Variants in XKR4 observed in about 807,000 individuals in gnomAD.
XKR4 encodes XK-related protein 4.
A neutral mutation model predicts 53.9 loss-of-function variants in XKR4; 12 were observed. The observed-to-expected ratio is 0.22, with a 90% CI of 0.14 to 0.36. The LOEUF (loss-of-function observed/expected upper bound fraction) is 0.36. Ranked by LOEUF, XKR4 falls within the 10% of genes least tolerant of loss-of-function variation. The pLI, the probability that XKR4 is intolerant of heterozygous loss-of-function variation, is 1.00. For missense variants in XKR4, 799 were observed against 859.5 expected, an observed-to-expected ratio of 0.93 and a Z score of 0.88; for synonymous variants, 354 against 362.4, an observed-to-expected ratio of 0.98 and a Z score of 0.26.
intron 2 of XKR4, among the ~76,000 whole-genome samples, chr8:55,473,043 C>T (rs1377517489): frequency 6.6e-6 from 1 of 152,094 alleles, no homozygotes; most frequent in African/African-American, 2.4e-5. Context: ...ACAATGAGCT[C>T]ACCTTAGTCC....
At chr8:55,336,211 T>C (rs1196479898) in intron 1 of XKR4, among the ~76,000 whole-genome samples, 3 of 152,070 alleles carry the variant, frequency 2.0e-5, no homozygotes, top group Non-Finnish European at 4.4e-5. Flanking sequence ...GGGTCTTTTC[T>C]GGGCTATTCT....
chr8:55,380,061 C>G (rs554899298), intron 2 of XKR4, among the ~76,000 whole-genome samples: 1 of 152,328 alleles, frequency 6.6e-6, no homozygotes, highest in Non-Finnish European at 1.5e-5. Context: ...CCTGTTCTAA[C>G]ATAATTAAAC....
chr8:55,277,685 C>T (rs1309943131), intron 1 of XKR4, among the ~76,000 whole-genome samples: 1 of 152,142 alleles, frequency 6.6e-6, no homozygotes, highest in Non-Finnish European at 1.5e-5. Context: ...ATTTTGCATT[C>T]TCGATTTTTG....
intron 2 of XKR4, among the ~76,000 whole-genome samples, chr8:55,500,823 G>C (rs1806425179): frequency 6.6e-6 from 1 of 152,194 alleles, no homozygotes; most frequent in Admixed American, 6.5e-5. Flanking sequence ...CTGAAGCTCT[G>C]CATGCCACGG....
At chr8:55,249,703 A>G (rs1018889043) in intron 1 of XKR4, among the ~76,000 whole-genome samples, 1 of 152,240 alleles carries the variant, frequency 6.6e-6, no homozygotes. Flanking sequence ...GTAAAGGTCA[A>G]TTAGAAAGAT....
intron 1 of XKR4, among the ~76,000 whole-genome samples, chr8:55,325,414 G>C (rs1294058157): frequency 6.6e-6 from 1 of 152,072 alleles, no homozygotes; most frequent in Non-Finnish European, 1.5e-5. Context: ...TTTCCAAGCA[G>C]GGGGGCAGAA....
At chr8:55,302,546 G>A (rs1288732449) in intron 1 of XKR4, among the ~76,000 whole-genome samples, 2 of 124,510 alleles carry the variant, frequency 1.6e-5, no homozygotes, top group Admixed American at 8.3e-5. Context: ...GTCATTGGTA[G>A]CTTGATGGGG....
chr8:55,479,508 A>C (rs1039323493), intron 2 of XKR4, among the ~76,000 whole-genome samples: 2 of 152,172 alleles, frequency 1.3e-5, no homozygotes, highest in Non-Finnish European at 2.9e-5. Context: ...GCAAGAGCAA[A>C]CACATTCAAA....
chr8:55,341,716 G>A, intron 1 of XKR4, among the ~76,000 whole-genome samples: 1 of 152,212 alleles, frequency 6.6e-6, no homozygotes, highest in East Asian at 1.9e-4. Flanking sequence ...CCCCATAGGT[G>A]GACAACAGGC....
Position 55,437,963 on chromosome 8 carries a change from AAAAGAAGAAG to A in XKR4, c.1006+80089_1006+80098del, listed in dbSNP as rs779652931. ...CCTCCAAACAAACAAACAAAAAAAA[AAAAGAAGAAG>A]AAGAAGAAGAAGAAAGAAAGTAGGA... On this transcript the variant is annotated intron_variant, in intron 2 of 2. Coordinates refer to ENST00000327381, the MANE Select transcript of XKR4 (RefSeq NM_052898.2). 1.0e-4 allele frequency among the ~76,000 whole-genome samples: 14 copies of A among 139,130 alleles called. No homozygotes were observed. The South Asian group carries it at 3.1e-3, about 31-fold the overall frequency. 91.3% of individuals were successfully genotyped at this position (139,130 alleles called of 152,430 possible).
intron 2 of XKR4, among the ~76,000 whole-genome samples, chr8:55,519,505 G>C (rs1406221779): frequency 6.6e-6 from 1 of 151,694 alleles, no homozygotes; most frequent in South Asian, 2.1e-4. Flanking sequence ...TTATTTTCAA[G>C]TACTATACTC....
At chr8:55,456,547 C>T (rs963728131) in intron 2 of XKR4, among the ~76,000 whole-genome samples, 8 of 152,080 alleles carry the variant, frequency 5.3e-5, no homozygotes, top group African/African-American at 9.7e-5. Context: ...TCTATGATTC[C>T]ATAAATAATC....
chr8:55,227,530 C>G (rs1817971367), intron 1 of XKR4, among the ~76,000 whole-genome samples: 1 of 152,210 alleles, frequency 6.6e-6, no homozygotes, highest in South Asian at 2.1e-4. Context: ...GAGTCCAAGC[C>G]CAGGCGCTCT....
At chr8:55,311,578 C>A (rs1225471678) in intron 1 of XKR4, among the ~76,000 whole-genome samples, 1 of 152,004 alleles carries the variant, frequency 6.6e-6, no homozygotes, top group Non-Finnish European at 1.5e-5. Context: ...TAGGGTCTAA[C>A]ACAGTTTGTT....
intron 1 of XKR4, among the ~76,000 whole-genome samples, chr8:55,174,205 CTT>C (rs200497399): frequency 6.6e-6 from 1 of 151,096 alleles, no homozygotes; most frequent in Non-Finnish European, 1.5e-5. Context: ...TCATGGCAGA[CTT>C]TTTTTTTAAA....
chr8:55,395,810 A>G (rs1804508445), intron 2 of XKR4, among the ~76,000 whole-genome samples: 1 of 152,236 alleles, frequency 6.6e-6, no homozygotes, highest in Non-Finnish European at 1.5e-5. Flanking sequence ...AAACTGCCTT[A>G]AATCTTAGTC....
intron 2 of XKR4, among the ~76,000 whole-genome samples, chr8:55,446,327 A>G (rs1805346219): frequency 6.6e-6 from 1 of 152,162 alleles, no homozygotes; most frequent in Non-Finnish European, 1.5e-5. Flanking sequence ...GAGACGAATC[A>G]AAAACTTTAA....
At chr8:55,465,827 G>T (rs557459298) in intron 2 of XKR4, among the ~76,000 whole-genome samples, 2 of 152,108 alleles carry the variant, frequency 1.3e-5, no homozygotes, top group African/African-American at 4.8e-5. Flanking sequence ...GTGGGCAAAG[G>T]ATATGAACAG....
intron 1 of XKR4, among the ~76,000 whole-genome samples, chr8:55,207,143 G>T (rs748562356): frequency 6.6e-6 from 1 of 152,180 alleles, no homozygotes; most frequent in Non-Finnish European, 1.5e-5. Context: ...CTGCTGTCCC[G>T]TTCTCGTCTC....
Sources: gnomAD v4.1 joint callset for allele counts (sites outside exome capture counted in the v4.1 genomes callset) on GRCh38, gnomAD v4.1.1 for gene constraint, MANE v1.5 for transcripts, NCBI Gene and HGNC (gene_info 2026-07-23, HGNC 2026-07-21) for gene names.